Variants in ADGRL2 observed in about 807,000 individuals in gnomAD.
ADGRL2 encodes the protein calcium-independent alpha-latrotoxin receptor 2.
ADGRL2 carries 44 observed loss-of-function variants against 157.4 expected under a neutral mutation model. The ratio of observed to expected loss-of-function variants is 0.28; its 90% CI spans 0.22 to 0.36. The LOEUF is 0.36. ADGRL2 is among the 10% of genes least tolerant of loss of function. The probability of loss-of-function intolerance (pLI) is 1.00; values close to 1 mark genes in which losing one functional copy is unlikely to be tolerated. For synonymous variants in ADGRL2, 585 were observed against 624.7 expected, an observed-to-expected ratio of 0.94 and a Z score of 0.95; for missense variants, 1,510 against 1,768.9, an observed-to-expected ratio of 0.85 and a Z score of 2.63.
chr1:81,366,832 C>T lies in ADGRL2; in HGVS notation c.-302+60323C>T, dbSNP rs567582193. Among the ~76,000 whole-genome samples, 14 of 152,258 alleles carry T rather than the reference C, an allele frequency of 9.2e-5. No individual in the cohort carries two copies. The South Asian group carries it at 2.5e-3, about 27-fold the overall frequency. ...GGATTCTATGTGATGAGATTCTCTT[C>T]GTTTTCCTGCTTCTTTGATCATTTC... is the stretch of plus-strand genomic sequence containing the variant. On this transcript the variant is annotated intron_variant, in intron 1 of 24. Transcript: ENST00000370721.
chr1:81,315,596 T>C (rs1660049451), intron 1 of ADGRL2, among the ~76,000 whole-genome samples: 1 of 152,168 alleles, frequency 6.6e-6, no homozygotes, highest in Admixed American at 6.5e-5. Context: ...TAGCTCCTAG[T>C]TCTTCCACTC....
intron 1 of ADGRL2, among the ~76,000 whole-genome samples, chr1:81,746,501 G>A (rs1292681178): frequency 2.6e-5 from 4 of 152,094 alleles, no homozygotes; most frequent in African/African-American, 9.6e-5. Context: ...TGTTGCCCAG[G>A]CTGGTCTTGA....
At chr1:81,824,639 C>T (rs1302701168) in intron 1 of ADGRL2, among the ~76,000 whole-genome samples, 1 of 152,138 alleles carries the variant, frequency 6.6e-6, no homozygotes, top group East Asian at 1.9e-4. Flanking sequence ...AACCCAATAG[C>T]AACTACTGTA....
chr1:81,425,702 C>T (rs1049229876), intron 1 of ADGRL2, among the ~76,000 whole-genome samples: 3 of 152,096 alleles, frequency 2.0e-5, no homozygotes, highest in African/African-American at 4.8e-5. Context: ...ACTTTTTTGC[C>T]GGCTTTTGTC....
intron 4 of ADGRL2, among the ~76,000 whole-genome samples, chr1:81,937,764 T>TA (rs891227896): frequency 4.6e-5 from 7 of 150,556 alleles, no homozygotes; most frequent in Non-Finnish European, 8.9e-5. Context: ...TTTCCTCCTT[T>TA]AAAAAAAAAG....
At chr1:81,574,848 G>GTT (rs2080766162) in intron 2 of ADGRL2, among the ~76,000 whole-genome samples, 1 of 152,094 alleles carries the variant, frequency 6.6e-6, no homozygotes, top group Non-Finnish European at 1.5e-5. Context: ...GCCATTTAGC[G>GTT]AAGAAAACAA....
At chr1:81,418,183 AAAAC>A (rs902390346) in intron 1 of ADGRL2, among the ~76,000 whole-genome samples, 4 of 151,628 alleles carry the variant, frequency 2.6e-5, no homozygotes, top group East Asian at 1.9e-4. Flanking sequence ...CTGCACACTC[AAAAC>A]AAACAAACAA....
chr1:81,423,564 C>G (rs1323726926), intron 1 of ADGRL2, among the ~76,000 whole-genome samples: 1 of 152,186 alleles, frequency 6.6e-6, no homozygotes, highest in African/African-American at 2.4e-5. Context: ...ATTCTGAATA[C>G]TGAATAATAA....
chr1:81,575,675 G>C (rs1267458446), intron 2 of ADGRL2, among the ~76,000 whole-genome samples: 1 of 151,866 alleles, frequency 6.6e-6, no homozygotes, highest in Non-Finnish European at 1.5e-5. Context: ...TTTGTTTCTT[G>C]GTTTTTGGAG....
intron 1 of ADGRL2, among the ~76,000 whole-genome samples, chr1:81,805,131 T>TA (rs781155898): frequency 3.3e-5 from 5 of 152,112 alleles, no homozygotes; most frequent in African/African-American, 1.2e-4. Context: ...TGGTTTATTT[T>TA]AAAAAATATA....
rs1485272283 is a variant in ADGRL2, at chr1:81,966,100, A to C, written c.2060A>C (p.Asp687Ala). 1.2e-6 allele frequency: 2 copies of C among 1,614,036 alleles called. No individual in the cohort carries two copies. Among genetic ancestry groups the C allele is most frequent in the Non-Finnish European group, 1.7e-6 (2 of 1,179,930 alleles). ...CTCAGTACAGAAGGACAGATCCAAG[A>C]CTTTAAATTTCCTCTGGGCATCAAA... Reference protein sequence around the residue: ...AVLSTEGQIQDFKFPLGIKGA... With the variant: ...AVLSTEGQIQAFKFPLGIKGA... Residue 687 changes from aspartate to alanine, a missense_variant, in exon 12 of 24, where the codon GAC becomes GCC. Physicochemically the swap from Asp to Ala is moderately radical, Grantham distance 126. This residue lies in a region of ADGRL2 where 325 missense variants were observed against 333.2 expected (regional missense o/e 0.98). Coordinates refer to ENST00000686636, the MANE Select transcript of ADGRL2 (RefSeq NM_001366006.2).
At chr1:81,446,373 C>G (rs2077597328) in intron 2 of ADGRL2, among the ~76,000 whole-genome samples, 2 of 152,282 alleles carry the variant, frequency 1.3e-5, no homozygotes, top group Middle Eastern at 3.4e-3. Flanking sequence ...AATGGAGGCA[C>G]AGTTCTTCCA....
At chr1:81,884,349 T>G (rs1212547050) in intron 2 of ADGRL2, among the ~76,000 whole-genome samples, 7 of 152,210 alleles carry the variant, frequency 4.6e-5, no homozygotes, top group Non-Finnish European at 8.8e-5. Flanking sequence ...ATCTTGCTAC[T>G]TTTTTCTGCC....
intron 2 of ADGRL2, among the ~76,000 whole-genome samples, chr1:81,865,572 T>G (rs1318452389): frequency 6.6e-6 from 1 of 152,192 alleles, no homozygotes; most frequent in Admixed American, 6.5e-5. Flanking sequence ...AGATTAGTAG[T>G]TTCATTACTA....
At position 81,379,676 on chromosome 1, in the gene ADGRL2, C is replaced by A. The variant is rs550243864; in HGVS notation, c.-301-65360C>A. ...GCCTGCCTGCATGCTGGCGTCTGTC[C>A]GTGTGCTCTTGTCAGTGTGCTCCCC... is the stretch of plus-strand genomic sequence containing the variant. On this transcript the variant is annotated intron_variant, in intron 1 of 24. Transcript: ENST00000370721. Among the ~76,000 whole-genome samples the A allele has an allele frequency of 2.0e-5, 3 of 152,284 alleles. No homozygotes were observed. In the South Asian group the frequency reaches 6.2e-4, roughly 32 times the overall value.
intron 1 of ADGRL2, among the ~76,000 whole-genome samples, chr1:81,746,377 C>G (rs2085246609): frequency 6.6e-6 from 1 of 152,096 alleles, no homozygotes; most frequent in African/African-American, 2.4e-5. Context: ...CAGCCTCAAC[C>G]TCTCCAGGCT....
chr1:81,312,599 C>T (rs1174366272), intron 1 of ADGRL2, among the ~76,000 whole-genome samples: 1 of 152,178 alleles, frequency 6.6e-6, no homozygotes. Context: ...ATGCTAGAGG[C>T]ATTTTGTTTC....
At chr1:81,855,068 C>A (rs1230044229) in intron 2 of ADGRL2, among the ~76,000 whole-genome samples, 2 of 151,928 alleles carry the variant, frequency 1.3e-5, no homozygotes, top group Non-Finnish European at 2.9e-5. Context: ...TCCTGTGGGA[C>A]CAGGGAATTA....
intron 2 of ADGRL2, among the ~76,000 whole-genome samples, chr1:81,475,611 TA>T (rs1274897774): frequency 6.6e-6 from 1 of 152,170 alleles, no homozygotes; most frequent in African/African-American, 2.4e-5. Context: ...AATAATTTTG[TA>T]AATGGGTTCA....
Sources: gnomAD v4.1 joint callset for allele counts (sites outside exome capture counted in the v4.1 genomes callset) on GRCh38, gnomAD v4.1.1 for gene constraint, gnomAD v4.1.1 regional missense constraint, MANE v1.5 for transcripts, NCBI Gene and HGNC (gene_info 2026-07-23, HGNC 2026-07-21) for gene names.